DAAM2: variants seen among roughly 807,000 people sequenced by gnomAD.
DAAM2 encodes dishevelled associated activator of morphogenesis 2.
DAAM2 carries 39 observed loss-of-function variants against 120.7 expected under a neutral mutation model. That is an observed-to-expected ratio of 0.32 (90% CI 0.25 to 0.42). DAAM2 has a LOEUF of 0.42. Ranked by LOEUF, DAAM2 falls within the 10% of genes least tolerant of loss-of-function variation. The pLI is 1.00. For missense variants in DAAM2, 1,283 were observed against 1,401.7 expected (o/e 0.92, Z 1.35); for synonymous variants, 488 against 524.9 (o/e 0.93, Z 0.96).
In DAAM2 at chr6:39,879,364, G is replaced by T. The variant is rs756928452; in HGVS notation, c.1732G>T (p.Gly578Cys). 60 of 1,612,946 alleles carry T rather than the reference G, an allele frequency of 3.7e-5. No individual in the cohort carries two copies. Among genetic ancestry groups the T allele is most frequent in the Middle Eastern group, 3.3e-4 (2 of 6,058 alleles). The change falls in exon 14 of 25, where the codon GGC becomes TGC. Residue 578 changes from glycine to cysteine, a missense_variant. Transcript: ENST00000274867. The stretch of plus-strand genomic sequence containing the variant: ...AGGTGCCCCACCTTGCCTCGGCATG[G>T]GCCTGCCCCTCCCTCAGGACCCCTA... ...PPGAPPCLGM[G>C]LPLPQDPYPS...
At chr6:39,793,431 T>G (rs1427168234) in intron 1 of DAAM2, among the ~76,000 whole-genome samples, 1 of 151,894 alleles carries the variant, frequency 6.6e-6, no homozygotes, top group African/African-American at 2.4e-5. Flanking sequence ...GATCTGGGCT[T>G]GATTTAACTC....
At chr6:39,884,336 G>T in intron 15 of DAAM2, 1 of 365,792 alleles carries the variant, frequency 2.7e-6, no homozygotes, top group South Asian at 5.9e-5. Context: ...CTTGTATTAT[G>T]GTTCATATTT....
chr6:39,867,169 G>C (rs1304821317), intron 5 of DAAM2: 2 of 248,156 alleles, frequency 8.1e-6, no homozygotes, highest in Non-Finnish European at 1.6e-5. Context: ...TTTGTTATCC[G>C]ACTGTAATTC....
At chr6:39,865,962 C>T (rs1294312450) in intron 5 of DAAM2, among the ~76,000 whole-genome samples, 3 of 152,198 alleles carry the variant, frequency 2.0e-5, no homozygotes, top group Non-Finnish European at 4.4e-5. Flanking sequence ...ATATCTGTAG[C>T]TTGAAATTGG....
chr6:39,897,401 C>T, intron 21 of DAAM2, 119 bp downstream of exon 21: 2 of 653,018 alleles, frequency 3.1e-6, no homozygotes, highest in South Asian at 1.9e-5. Context: ...CGGTTCTTGT[C>T]TTCTGAGTTC....
In DAAM2 at chr6:39,897,233, C is replaced by G. The variant is rs1479768434; in HGVS notation, c.2569C>G (p.Leu857Val). Reference sequence around the variant, plus strand: ...CCTGGAGAAGCATTTTCCTGATATTCTAAACATGCCTTCAGAGCTGCAACA... The same window carrying G: ...CCTGGAGAAGCATTTTCCTGATATTGTAAACATGCCTTCAGAGCTGCAACA... The part of the protein sequence containing the change: ...MILEKHFPDI[L>V]NMPSELQHLP... Residue 857 changes from leucine (L) to valine (V), a missense_variant, in exon 21 of 25, where the codon CTA becomes GTA. Transcript: ENST00000274867. 1.2e-6 allele frequency: 2 copies of G among 1,613,698 alleles called. No homozygotes were observed. The highest frequency in any genetic ancestry group is 1.7e-6 in the Non-Finnish European group (2 of 1,179,680).
chr6:39,809,017 G>A (rs989411350), intron 1 of DAAM2, among the ~76,000 whole-genome samples: 1 of 152,230 alleles, frequency 6.6e-6, no homozygotes, highest in Non-Finnish European at 1.5e-5. Context: ...ACTCCCAAAA[G>A]GGTTTGATGG....
intron 1 of DAAM2, among the ~76,000 whole-genome samples, chr6:39,839,691 A>G (rs1445568297): frequency 1.3e-5 from 2 of 152,232 alleles, no homozygotes; most frequent in Non-Finnish European, 2.9e-5. Context: ...GCAGGCTCAC[A>G]GAGCAAGTGT....
chr6:39,803,114 G>A lies in DAAM2; in HGVS notation c.-57+10649G>A, dbSNP rs1761915020. ...TTGATGGGCATTTGAGTGGTGTCAA[G>A]TCTGGGGCTGTTGTGAGTAGCCTTG... On this transcript the variant is annotated intron_variant, in intron 1 of 24. Coordinates refer to ENST00000274867, the MANE Select transcript of DAAM2 (RefSeq NM_001201427.2). 3.3e-5 allele frequency among the ~76,000 whole-genome samples: 5 copies of A among 152,194 alleles called. No individual in the cohort carries two copies. In the South Asian group the frequency reaches 1.0e-3, roughly 32 times the overall value.
intron 19 of DAAM2, among the ~76,000 whole-genome samples, chr6:39,893,952 C>G (rs1239971480): frequency 2.0e-5 from 3 of 152,140 alleles, no homozygotes; most frequent in African/African-American, 7.2e-5. Context: ...GTCCATTTGC[C>G]AAAAGCTAGT....
intron 11 of DAAM2, among the ~76,000 whole-genome samples, chr6:39,877,743 G>A (rs1472285192): frequency 6.6e-6 from 1 of 152,198 alleles, no homozygotes; most frequent in Non-Finnish European, 1.5e-5. Flanking sequence ...TGTATTGCTG[G>A]TGTGGGTGAT....
chr6:39,796,511 G>GT (rs1272056973), intron 1 of DAAM2, among the ~76,000 whole-genome samples: 2 of 150,308 alleles, frequency 1.3e-5, no homozygotes, highest in African/African-American at 4.9e-5. Flanking sequence ...GGGGGAGGAA[G>GT]TAAGTGCCTG....
At chr6:39,855,192 C>T (rs1283083336) in intron 1 of DAAM2, among the ~76,000 whole-genome samples, 1 of 152,136 alleles carries the variant, frequency 6.6e-6, no homozygotes, top group Non-Finnish European at 1.5e-5. Flanking sequence ...TACTGAACCC[C>T]CCTAGGTTGT....
rs1440131596 is a variant in DAAM2, at chr6:39,901,416, G to A, written c.2926G>A (p.Glu976Lys). The A allele has an allele frequency of 6.2e-7, 1 of 1,613,552 alleles. No individual in the cohort carries two copies. Among genetic ancestry groups the A allele is most frequent in the Non-Finnish European group, 8.5e-7 (1 of 1,179,862 alleles). ...CTTCTCAGAGGCCCGGCAGGATCTAGAGGCCATGAGGAGGAGGAAGGAGGA... is the reference window on the plus strand; with the variant it reads ...CTTCTCAGAGGCCCGGCAGGATCTAAAGGCCATGAGGAGGAGGAAGGAGGA... ...QAFSEARQDL[E>K]AMRRRKEEEE... is the part of the protein sequence containing the mutation. Residue 976 changes from glutamate to lysine, a missense_variant, in exon 24 of 25, where the codon GAG becomes AAG. This residue lies in a region of DAAM2 where 748 missense variants were observed against 768.6 expected (regional missense o/e 0.97). Transcript: ENST00000274867. The surrounding 1 kb of genome is among the most constrained non-coding windows in gnomAD (Gnocchi z 4.5).
At chr6:39,814,992 T>C (rs1209316955) in intron 1 of DAAM2, among the ~76,000 whole-genome samples, 1 of 152,228 alleles carries the variant, frequency 6.6e-6, no homozygotes, top group Non-Finnish European at 1.5e-5. Flanking sequence ...ATAAATTAGC[T>C]GAATCTCACT....
At chr6:39,861,122 G>T in intron 3 of DAAM2, 105 bp downstream of exon 3, 1 of 853,158 alleles carries the variant, frequency 1.2e-6, no homozygotes, top group Non-Finnish European at 2.0e-6. Context: ...TTACATGCCA[G>T]CCCTGTTCTA....
chr6:39,888,712 C>A lies in DAAM2; in HGVS notation c.2094C>A (p.Ala698=). The change falls in exon 17 of 25, where the codon GCC becomes GCA. Residue 698 remains alanine (A), a synonymous_variant. Coordinates refer to ENST00000274867, the MANE Select transcript of DAAM2 (RefSeq NM_001201427.2). ...LKLSNEEIRQ[A]ILKMDEQEDL... ...TTTCTAACGAGGAGATCCGGCAGGC[C>A]ATCTTGAAGATGGATGAGCAGGAGG... 4 of 1,613,268 alleles carry A rather than the reference C, an allele frequency of 2.5e-6. No homozygotes were observed. Among genetic ancestry groups the A allele is most frequent in the Non-Finnish European group, 3.4e-6 (4 of 1,179,496 alleles).
chr6:39,891,168 G>T (rs999388523), intron 17 of DAAM2, 173 bp from the exon 18 acceptor site: 7 of 565,212 alleles, frequency 1.2e-5, no homozygotes, highest in Non-Finnish European at 1.9e-5. Context: ...TTTCAGAGCT[G>T]TGTGCCCTGT....
intron 1 of DAAM2, among the ~76,000 whole-genome samples, chr6:39,814,285 G>A (rs887159055): frequency 4.6e-5 from 7 of 151,532 alleles, no homozygotes; most frequent in Admixed American, 2.0e-4. Flanking sequence ...GCCCAGGGAA[G>A]CCAAAAGATT....
Sources: allele counts gnomAD v4.1 joint callset (sites outside exome capture counted in the v4.1 genomes callset), GRCh38; gene constraint gnomAD v4.1.1; regional missense constraint gnomAD v4.1.1; non-coding constraint Gnocchi (gnomAD v3.1); transcripts MANE v1.5; gene names NCBI Gene and HGNC (gene_info 2026-07-23, HGNC 2026-07-21).